GPC5: variants seen among roughly 807,000 people sequenced by gnomAD.
GPC5 encodes glypican 5, also known as glypican-5.
In GPC5, 47 loss-of-function variants were observed where a neutral mutation model predicts 53.9. The ratio of observed to expected loss-of-function variants is 0.87; its 90% CI spans 0.69 to 1.11. GPC5 has a LOEUF of 1.11. Among genes scored for constraint, GPC5 ranks in the 50% most tolerant of loss-of-function variants. GPC5 has a pLI of 0.00. For synonymous variants in GPC5, 286 were observed against 263.3 expected, an observed-to-expected ratio of 1.09 and a Z score of -0.84; for missense variants, 748 against 713.1, an observed-to-expected ratio of 1.05 and a Z score of -0.56.
At chr13:92,373,094 T>C (rs569791063) in intron 7 of GPC5, among the ~76,000 whole-genome samples, 1 of 152,270 alleles carries the variant, frequency 6.6e-6, no homozygotes, top group South Asian at 2.1e-4. Flanking sequence ...ATTATTTTGT[T>C]CCCATTTCCA....
chr13:92,556,477 T>C (rs150381958), intron 7 of GPC5, among the ~76,000 whole-genome samples: 109 of 151,890 alleles, frequency 7.2e-4, no homozygotes, highest in East Asian at 4.9e-3. Flanking sequence ...TTCGATGAGA[T>C]ATTTATTAAT....
chr13:91,590,086 CT>C (rs2032741773), intron 2 of GPC5, among the ~76,000 whole-genome samples: 1 of 151,186 alleles, frequency 6.6e-6, no homozygotes, highest in South Asian at 2.1e-4. Flanking sequence ...TATATATGAC[CT>C]TTCATATCTC....
chr13:91,650,753 T>G (rs965083095), intron 2 of GPC5, among the ~76,000 whole-genome samples: 2 of 133,320 alleles, frequency 1.5e-5, no homozygotes, highest in African/African-American at 6.5e-5. Context: ...CCCATAAGTT[T>G]TTTTTTTTTT....
intron 7 of GPC5, among the ~76,000 whole-genome samples, chr13:92,328,993 G>C (rs1225678009): frequency 6.6e-6 from 1 of 152,048 alleles, no homozygotes; most frequent in African/African-American, 2.4e-5. Flanking sequence ...CTCTCTTCTA[G>C]GTTCACCCTC....
At chr13:91,921,406 ATGGGT>A (rs1487630670) in intron 6 of GPC5, among the ~76,000 whole-genome samples, 1 of 152,168 alleles carries the variant, frequency 6.6e-6, no homozygotes, top group East Asian at 1.9e-4. Flanking sequence ...ACTTAAAGTG[ATGGGT>A]TTGAACATAT....
chr13:92,252,036 T>C (rs1389508320), intron 7 of GPC5, among the ~76,000 whole-genome samples: 1 of 152,126 alleles, frequency 6.6e-6, no homozygotes, highest in East Asian at 1.9e-4. Flanking sequence ...TTCTTTAATG[T>C]TATGTCTCAT....
rs1426543928 is a variant in GPC5 at position 92,032,015 on chromosome 13, TAA to T, written c.1402-112814_1402-112813del. ...TATACAAATAATTGTATATAATATA[TAA>T]TATATATAAAATATATAAAAATTTA... On this transcript the variant is annotated intron_variant, in intron 6 of 7. Transcript: ENST00000377067. 2.3e-3 allele frequency among the ~76,000 whole-genome samples: 313 copies of T among 133,704 alleles called. 2 individuals carry two copies. The highest frequency in any genetic ancestry group is 0.014 in the South Asian group (65 of 4,612). The allele number at this position is 133,704 out of a possible 152,430, so 87.7% of individuals were successfully genotyped here.
intron 7 of GPC5, among the ~76,000 whole-genome samples, chr13:92,712,851 T>C (rs1416739200): frequency 1.3e-5 from 2 of 152,074 alleles, no homozygotes; most frequent in Non-Finnish European, 2.9e-5. Flanking sequence ...AAGAAATTAG[T>C]AAACACACAC....
chr13:92,707,754 A>ATATC (rs1222859496), intron 7 of GPC5, among the ~76,000 whole-genome samples: 1 of 151,476 alleles, frequency 6.6e-6, no homozygotes, highest in African/African-American at 2.4e-5. Context: ...AATATACAGT[A>ATATC]TATCTGCTTG....
At chr13:92,780,836 A>G (rs1875998253) in intron 7 of GPC5, among the ~76,000 whole-genome samples, 1 of 152,086 alleles carries the variant, frequency 6.6e-6, no homozygotes, top group Non-Finnish European at 1.5e-5. Flanking sequence ...ATCTATAATT[A>G]TTGCTGCTTT....
At chr13:92,602,861 C>T (rs1241345313) in intron 7 of GPC5, among the ~76,000 whole-genome samples, 1 of 151,454 alleles carries the variant, frequency 6.6e-6, no homozygotes, top group Non-Finnish European at 1.5e-5. Context: ...TTTTTTTCAA[C>T]AAGAAGATAC....
chr13:91,648,504 ATCCAT>A (rs2034615975), intron 2 of GPC5, among the ~76,000 whole-genome samples: 1 of 152,152 alleles, frequency 6.6e-6, no homozygotes, highest in Non-Finnish European at 1.5e-5. Flanking sequence ...TGAAACAATG[ATCCAT>A]AAGGCCTTTT....
At position 92,008,087 on chromosome 13, in the gene GPC5, G is replaced by A. The variant is rs1333294448; in HGVS notation, c.1401+100030G>A. On this transcript the variant is annotated intron_variant, in intron 6 of 7. Coordinates refer to ENST00000377067, the MANE Select transcript of GPC5 (RefSeq NM_004466.6). ...TTTTTTTTTTTTTTTTTTTGAGACG[G>A]AGTCTCGCTCTGTCGCCCAGGCTGG... 2.9e-3 allele frequency among the ~76,000 whole-genome samples: 432 copies of A among 147,390 alleles called. 3 individuals are homozygous for A. Among genetic ancestry groups the A allele is most frequent in the African/African-American group, 0.01 (404 of 39,988 alleles).
intron 7 of GPC5, among the ~76,000 whole-genome samples, chr13:92,441,449 C>T (rs947853535): frequency 1.2e-4 from 18 of 152,106 alleles, no homozygotes; most frequent in Admixed American, 9.8e-4. Context: ...CTAAATAATC[C>T]GTAAGGCTCC....
intron 7 of GPC5, among the ~76,000 whole-genome samples, chr13:92,666,842 G>T (rs1886585787): frequency 6.6e-6 from 1 of 152,106 alleles, no homozygotes; most frequent in African/African-American, 2.4e-5. Flanking sequence ...GTAATTCAAT[G>T]GTTTATCACA....
chr13:92,424,731 G>T (rs1424876015), intron 7 of GPC5, among the ~76,000 whole-genome samples: 1 of 151,648 alleles, frequency 6.6e-6, no homozygotes, highest in Non-Finnish European at 1.5e-5. Context: ...TATTCCTCAA[G>T]ACTTGCTTCC....
intron 7 of GPC5, among the ~76,000 whole-genome samples, chr13:92,192,201 A>G (rs9560968): frequency 0.01 from 1,533 of 152,314 alleles, 19 homozygotes; most frequent in South Asian, 0.044. Context: ...GAGAACGTAC[A>G]ATACCAAGAG....
At chr13:92,650,272 G>C (rs1489960102) in intron 7 of GPC5, among the ~76,000 whole-genome samples, 1 of 151,994 alleles carries the variant, frequency 6.6e-6, no homozygotes, top group Non-Finnish European at 1.5e-5. Context: ...GATAACAAGT[G>C]AAACAGCAAA....
intron 3 of GPC5, 132 bp from the exon 4 acceptor site, chr13:91,728,400 A>T: frequency 1.5e-6 from 1 of 656,576 alleles, no homozygotes; most frequent in Non-Finnish European, 2.5e-6. Context: ...CATTATATAT[A>T]CATATTATAT....
Sources: gnomAD v4.1 joint callset for allele counts (sites outside exome capture counted in the v4.1 genomes callset) on GRCh38, gnomAD v4.1.1 for gene constraint, MANE v1.5 for transcripts, NCBI Gene and HGNC (gene_info 2026-07-23, HGNC 2026-07-21) for gene names.